Variants in TRIP11 observed in about 807,000 individuals in gnomAD.
TRIP11 encodes thyroid hormone receptor interactor 11, also known as thyroid receptor-interacting protein 11.
Under a neutral mutation model 223.1 loss-of-function variants are expected in TRIP11, and 148 were observed. The observed-to-expected ratio is 0.66, with a 90% CI of 0.58 to 0.76. The LOEUF is 0.76. Ranked by LOEUF, TRIP11 falls within the 30% of genes least tolerant of loss-of-function variation. The pLI is 0.00. For missense variants in TRIP11, 2,043 were observed against 2,222.0 expected, an observed-to-expected ratio of 0.92 and a Z score of 1.62; for synonymous variants, 762 against 772.6, an observed-to-expected ratio of 0.99 and a Z score of 0.23.
Position 92,005,136 on chromosome 14 carries a change from T to A in TRIP11, c.2840A>T (p.His947Leu). ...GGTGTGTGTGGCGTTCATTTGCTCA[T>A]GCTGGTATCTAAACTCATCCATTTC... ...KKEMDEFRYQ[H>L]EQMNATHTQL... The change falls in exon 11 of 21, where the codon CAT becomes CTT. Residue 947 changes from histidine to leucine, a missense_variant. By Grantham distance (99) the His-to-Leu change is moderately conservative (BLOSUM62 -3). Transcript: ENST00000267622. 1 of 1,613,654 alleles carries A rather than the reference T, an allele frequency of 6.2e-7. No homozygotes were observed. Among genetic ancestry groups the A allele is most frequent in the Non-Finnish European group, 8.5e-7 (1 of 1,180,042 alleles).
intron 13 of TRIP11, among the ~76,000 whole-genome samples, chr14:91,998,243 T>C (rs907707302): frequency 4.6e-5 from 7 of 152,188 alleles, no homozygotes; most frequent in Non-Finnish European, 8.8e-5. Flanking sequence ...TGTGAAATAA[T>C]TTGGCAGTAT....
chr14:92,008,632 A>C (rs950786103), intron 9 of TRIP11, among the ~76,000 whole-genome samples: 10 of 152,224 alleles, frequency 6.6e-5, no homozygotes, highest in Non-Finnish European at 1.5e-4. Context: ...GATGTTTGTA[A>C]TAAACTATAT....
In TRIP11 at chr14:92,020,660, A is replaced by AC. The variant is rs1190132174; in HGVS notation, c.588+895_588+896insG. On this transcript the variant is annotated intron_variant, in intron 4 of 20. Transcript: ENST00000267622. The stretch of plus-strand genomic sequence containing the variant: ...CTCAATTTTTTTCCTCTCATGTTTT[A>AC]TTAAAAAAAAAAAAAAGGATCTGTT... Among the ~76,000 whole-genome samples the AC allele has an allele frequency of 1.8e-3, 275 of 151,090 alleles. 3 individuals carry two copies. The highest frequency in any genetic ancestry group is 6.4e-3 in the African/African-American group (265 of 41,232).
intron 16 of TRIP11, among the ~76,000 whole-genome samples, chr14:91,983,429 C>T (rs1225247397): frequency 1.3e-5 from 2 of 152,286 alleles, no homozygotes; most frequent in East Asian, 3.9e-4. Context: ...TGAACTCATC[C>T]ATACATAAAG....
chr14:91,975,957 C>T (rs774655189), intron 17 of TRIP11, 151 bp downstream of exon 17: 1 of 655,708 alleles, frequency 1.5e-6, no homozygotes, highest in Non-Finnish European at 2.6e-6. Context: ...GCTGACTCCT[C>T]ATTAAAGCTG....
chr14:92,003,933 T>A lies in TRIP11; in HGVS notation c.4043A>T (p.Glu1348Val), dbSNP rs1032989038. ...TAGTGATTTTCTTAGCTCTTCTAAC[T>A]CTTGCTGAAGCAATTCAGAAGATTC... The part of the protein sequence containing the change: ...LSESSELLQQ[E>V]LEELRKSLQE... Residue 1348 changes from glutamate to valine, a missense_variant, in exon 11 of 21, where the codon GAG (glutamate) becomes GTG (valine). Coordinates refer to ENST00000267622, the MANE Select transcript of TRIP11 (RefSeq NM_004239.4). The A allele has an allele frequency of 9.9e-6, 16 of 1,614,052 alleles. No homozygotes were observed. The highest frequency in any genetic ancestry group is 1.3e-5 in the African/African-American group (1 of 74,940).
chr14:92,032,562 T>C (rs1006164565), intron 2 of TRIP11, among the ~76,000 whole-genome samples: 11 of 152,236 alleles, frequency 7.2e-5, no homozygotes, highest in East Asian at 3.9e-4. Flanking sequence ...TAGCTGGGCG[T>C]GGTGGCTCAC....
intron 15 of TRIP11, among the ~76,000 whole-genome samples, chr14:91,993,417 G>A (rs748437679): frequency 5.3e-5 from 8 of 149,886 alleles, no homozygotes; most frequent in Non-Finnish European, 1.2e-4. Context: ...CAGAGGTTGC[G>A]GTGGGTCGAG....
In TRIP11 at chr14:92,037,851, C is replaced by T. The variant is rs912948611; in HGVS notation, c.139+1696G>A. On this transcript the variant is annotated intron_variant, in intron 1 of 20. Transcript: ENST00000267622. This position sits in a 1 kb window ranked among gnomAD's most constrained non-coding sequence, Gnocchi z 4.2. ...AGATCGCGCCACTGCATCCAGCCTA[C>T]GCAACAGAGTGAGACTCAGTCCAAA... Among the ~76,000 whole-genome samples the T allele has an allele frequency of 9.2e-5, 14 of 152,116 alleles. No individual in the cohort carries two copies. Among genetic ancestry groups the T allele is most frequent in the Admixed American group, 3.3e-4 (5 of 15,266 alleles).
rs548626178 is a variant in TRIP11, at chr14:91,992,604, C to T, written c.5160+1205G>A. On this transcript the variant is annotated intron_variant, in intron 15 of 20. Coordinates refer to ENST00000267622, the MANE Select transcript of TRIP11 (RefSeq NM_004239.4). ...TTTATCATTTTCTACCAGTTATTGACAGTCTATTTATGACATAGAAAAGCT... is the reference window on the plus strand; with the variant it reads ...TTTATCATTTTCTACCAGTTATTGATAGTCTATTTATGACATAGAAAAGCT... Among the ~76,000 whole-genome samples, 6 of 152,188 alleles carry T rather than the reference C, an allele frequency of 3.9e-5. No homozygotes were observed. The South Asian group carries it at 6.2e-4, about 16-fold the overall frequency.
At chr14:91,976,764 C>T (rs1291584682) in intron 16 of TRIP11, among the ~76,000 whole-genome samples, 3 of 151,988 alleles carry the variant, frequency 2.0e-5, no homozygotes, top group Non-Finnish European at 4.4e-5. Context: ...TAGCTTATGA[C>T]TGACTTAGAA....
At chr14:92,007,613 GC>G in intron 10 of TRIP11, 26 bp downstream of exon 10, 1 of 1,605,212 alleles carries the variant, frequency 6.2e-7, no homozygotes, top group East Asian at 2.2e-5. Context: ...AGAATGTGCT[GC>G]CTTACTGTAT....
chr14:92,007,982 C>A, intron 9 of TRIP11, 130 bp from the exon 10 acceptor site: 1 of 692,190 alleles, frequency 1.4e-6, no homozygotes, highest in Non-Finnish European at 2.4e-6. Flanking sequence ...TTGAACAATA[C>A]CTCAATAATT....
At position 92,039,705 on chromosome 14, in the gene TRIP11, G is replaced by T; in HGVS notation, c.-20C>A. ...CGACATCGCGGCGAGTTTAGAGAAC[G>T]ACCCGGTCCGCTCGGAAAAAAGAAA... is the stretch of plus-strand genomic sequence containing the variant. On this transcript the variant is annotated 5_prime_UTR_variant, in exon 1 of 21. Coordinates refer to ENST00000267622, the MANE Select transcript of TRIP11 (RefSeq NM_004239.4). 1.2e-6 allele frequency: 2 copies of T among 1,607,606 alleles called. No homozygotes were observed. Among genetic ancestry groups the T allele is most frequent in the South Asian group, 2.2e-5 (2 of 89,840 alleles).
intron 16 of TRIP11, among the ~76,000 whole-genome samples, chr14:91,981,005 TA>T (rs2056532317): frequency 4.4e-5 from 3 of 68,792 alleles, no homozygotes; most frequent in Admixed American, 1.2e-4. Flanking sequence ...TATATATATA[TA>T]TATATATTTT....
At chr14:91,996,229 A>C (rs928092458) in intron 13 of TRIP11, among the ~76,000 whole-genome samples, 1 of 152,242 alleles carries the variant, frequency 6.6e-6, no homozygotes. Flanking sequence ...TATTGCATTA[A>C]ATTCAAGTTA....
chr14:91,988,365 T>G lies in TRIP11; in HGVS notation c.5179A>C (p.Asn1727His), dbSNP rs756776826. Residue 1727 changes from asparagine to histidine, a missense_variant, in exon 16 of 21, where the codon AAT becomes CAT. Transcript: ENST00000267622. ...ISLQECLDEA[N>H]AALDSASRLT... ...CTTGATGCTGAATCCAATGCAGCAT[T>G]TGCTTCATCCAAACATTCCTGAGAA... 1 of 1,613,574 alleles carries G rather than the reference T, an allele frequency of 6.2e-7. No individual in the cohort carries two copies.
chr14:91,972,910 T>A, intron 19 of TRIP11, 49 bp from the exon 20 acceptor site: 1 of 1,432,272 alleles, frequency 7.0e-7, no homozygotes, highest in Non-Finnish European at 9.7e-7. Flanking sequence ...TAAGTTATAT[T>A]CACTACAACT....
intron 4 of TRIP11, among the ~76,000 whole-genome samples, chr14:92,018,204 C>A (rs1260930117): frequency 6.6e-6 from 1 of 151,690 alleles, no homozygotes; most frequent in Admixed American, 6.6e-5. Flanking sequence ...AGGCAATCCT[C>A]CCACCTCAGC....
Sources: allele counts gnomAD v4.1 joint callset (sites outside exome capture counted in the v4.1 genomes callset), GRCh38; gene constraint gnomAD v4.1.1; non-coding constraint Gnocchi (gnomAD v3.1); transcripts MANE v1.5; gene names NCBI Gene and HGNC (gene_info 2026-07-23, HGNC 2026-07-21).